OSTN: variants seen among roughly 807,000 people sequenced by gnomAD.
OSTN encodes osteocrin.
In OSTN, 9 loss-of-function variants were observed where a neutral mutation model predicts 12.0. The observed-to-expected ratio is 0.75, with a 90% CI of 0.45 to 1.30. The LOEUF is 1.30. Ranked by LOEUF, OSTN falls within the 50% of genes most tolerant of loss-of-function variation. OSTN has a pLI of 0.00. For synonymous variants in OSTN, 59 were observed against 56.9 expected (o/e 1.04, Z -0.16); for missense variants, 148 against 152.3 (o/e 0.97, Z 0.15).
chr3:191,262,373 A>G (rs1276708141), intron 4 of OSTN, among the ~76,000 whole-genome samples: 1 of 152,242 alleles, frequency 6.6e-6, no homozygotes, highest in East Asian at 1.9e-4. Context: ...CCATCATTCA[A>G]ATAAATTAAT....
chr3:191,218,160 T>C (rs1020655600), intron 2 of OSTN, among the ~76,000 whole-genome samples: 1 of 152,130 alleles, frequency 6.6e-6, no homozygotes, highest in Non-Finnish European at 1.5e-5. Flanking sequence ...AGGATGAAGT[T>C]GTTGCTGAAA....
chr3:191,204,674 T>TC (rs1218519781), intron 1 of OSTN, among the ~76,000 whole-genome samples: 7 of 152,338 alleles, frequency 4.6e-5, no homozygotes, highest in African/African-American at 1.7e-4. Context: ...TCTGGGTGCT[T>TC]CCCTAATCAA....
At chr3:191,216,175 C>T (rs1714605610) in intron 2 of OSTN, among the ~76,000 whole-genome samples, 2 of 152,186 alleles carry the variant, frequency 1.3e-5, no homozygotes, top group African/African-American at 4.8e-5. Context: ...GGGCTTAAAC[C>T]CTCTGAAAGA....
chr3:191,201,385 A>T (rs2108586649), intron 1 of OSTN, among the ~76,000 whole-genome samples: 1 of 152,096 alleles, frequency 6.6e-6, no homozygotes, highest in East Asian at 1.9e-4. Flanking sequence ...TAAATTTGAC[A>T]ATTTTTAATG....
chr3:191,203,784 T>C (rs1714206292), intron 1 of OSTN, among the ~76,000 whole-genome samples: 1 of 152,242 alleles, frequency 6.6e-6, no homozygotes, highest in Non-Finnish European at 1.5e-5. Flanking sequence ...TGAAAGTTGT[T>C]GTTCTGGCTC....
At chr3:191,261,036 A>T (rs1314118280) in intron 4 of OSTN, among the ~76,000 whole-genome samples, 1 of 152,168 alleles carries the variant, frequency 6.6e-6, no homozygotes, top group Non-Finnish European at 1.5e-5. Context: ...AGAGAGATAG[A>T]GGCCAGGAGC....
chr3:191,219,148 A>G (rs1314573224), intron 3 of OSTN, among the ~76,000 whole-genome samples, 187 bp downstream of exon 3: 1 of 152,222 alleles, frequency 6.6e-6, no homozygotes, highest in Non-Finnish European at 1.5e-5. Flanking sequence ...GAGCAAAATG[A>G]CTGCCGCAGT....
At chr3:191,201,886 T>C (rs1292103828) in intron 1 of OSTN, among the ~76,000 whole-genome samples, 1 of 152,214 alleles carries the variant, frequency 6.6e-6, no homozygotes, top group African/African-American at 2.4e-5. Flanking sequence ...AACTGTTATT[T>C]ATTGAGTAAC....
intron 3 of OSTN, among the ~76,000 whole-genome samples, chr3:191,224,474 C>T (rs1029124751): frequency 6.6e-6 from 1 of 151,568 alleles, no homozygotes; most frequent in African/African-American, 2.4e-5. Flanking sequence ...GATAGAAGAT[C>T]TACACAACAT....
chr3:191,258,593 G>A (rs1260832991), intron 4 of OSTN, among the ~76,000 whole-genome samples: 2 of 151,470 alleles, frequency 1.3e-5, no homozygotes, highest in African/African-American at 4.9e-5. Context: ...AATCACCAGG[G>A]CACATGTATA....
chr3:191,217,364 G>C (rs1714637304), intron 2 of OSTN, among the ~76,000 whole-genome samples: 1 of 152,226 alleles, frequency 6.6e-6, no homozygotes, highest in Non-Finnish European at 1.5e-5. Context: ...CATATCAAAA[G>C]ACAATAGAAG....
At chr3:191,209,230 C>T (rs1714359089) in intron 1 of OSTN, among the ~76,000 whole-genome samples, 1 of 152,124 alleles carries the variant, frequency 6.6e-6, no homozygotes, top group South Asian at 2.1e-4. Flanking sequence ...GTTCTTAGTA[C>T]ATCCTCCTTT....
chr3:191,256,490 TAA>T (rs1715673460), intron 4 of OSTN, among the ~76,000 whole-genome samples: 1 of 152,058 alleles, frequency 6.6e-6, no homozygotes. Context: ...CTCTGTAAAA[TAA>T]GACATTCATT....
At chr3:191,248,590 G>C (rs1201537627) in intron 3 of OSTN, among the ~76,000 whole-genome samples, 1 of 152,176 alleles carries the variant, frequency 6.6e-6, no homozygotes, top group Non-Finnish European at 1.5e-5. Flanking sequence ...AAGTTGTCTT[G>C]TTAGATACTA....
rs537631977 is a variant in OSTN at position 191,240,796 on chromosome 3, A to T, written c.318-9241A>T. Among the ~76,000 whole-genome samples, 265 of 152,276 alleles carry T rather than the reference A, an allele frequency of 1.7e-3. 1 individual carries two copies. Among genetic ancestry groups the T allele is most frequent in the African/African-American group, 6.3e-3 (260 of 41,544 alleles). ...GAGGCCTTAGCTCTTTGCCATGTAA[A>T]CCTCTCTAAAGGGTTGTTAGCATGC... On this transcript the variant is annotated intron_variant, in intron 3 of 4. Coordinates refer to ENST00000682035, the MANE Select transcript of OSTN (RefSeq NM_198184.2).
At chr3:191,207,649 A>G (rs1714312428) in intron 1 of OSTN, among the ~76,000 whole-genome samples, 1 of 152,194 alleles carries the variant, frequency 6.6e-6, no homozygotes, top group Admixed American at 6.5e-5. Flanking sequence ...TCCTACTAAT[A>G]AAAACATCTT....
intron 3 of OSTN, among the ~76,000 whole-genome samples, chr3:191,223,472 A>G (rs978271032): frequency 3.3e-5 from 5 of 152,234 alleles, no homozygotes; most frequent in African/African-American, 1.2e-4. Context: ...GAAAAAACAG[A>G]TACAGCACAA....
At chr3:191,238,250 T>C (rs982528940) in intron 3 of OSTN, among the ~76,000 whole-genome samples, 5 of 152,022 alleles carry the variant, frequency 3.3e-5, no homozygotes, top group Non-Finnish European at 7.4e-5. Flanking sequence ...TGAAGATACT[T>C]GCGGGGAAAA....
chr3:191,211,526 G>A (rs1263138100), intron 1 of OSTN, among the ~76,000 whole-genome samples: 1 of 152,136 alleles, frequency 6.6e-6, no homozygotes, highest in Non-Finnish European at 1.5e-5. Context: ...ACCTAGAAGT[G>A]AAATAAATGT....
Sources: gnomAD v4.1 joint callset for allele counts (sites outside exome capture counted in the v4.1 genomes callset) on GRCh38, gnomAD v4.1.1 for gene constraint, MANE v1.5 for transcripts, NCBI Gene and HGNC (gene_info 2026-07-23, HGNC 2026-07-21) for gene names.